The following SLC43A2 variants were observed in gnomAD, a reference collection of about 807,000 sequenced individuals.
SLC43A2 encodes the protein solute carrier family 43 member 2.
A neutral mutation model predicts 63.2 loss-of-function variants in SLC43A2; 38 were observed. The observed-to-expected ratio is 0.60, with a 90% CI of 0.46 to 0.79. SLC43A2 has a LOEUF of 0.79. Ranked by LOEUF, SLC43A2 falls within the 30% of genes least tolerant of loss-of-function variation. The probability of loss-of-function intolerance (pLI) is 0.00; values close to 1 mark genes in which losing one functional copy is unlikely to be tolerated. For synonymous variants in SLC43A2, 322 were observed against 331.0 expected (o/e 0.97, Z 0.30); for missense variants, 644 against 756.2 (o/e 0.85, Z 1.74).
intron 9 of SLC43A2, chr17:1,586,928 T>TGGGCCCCCCCCCCCCCCCCCCCCCCC: frequency 5.7e-6 from 7 of 1,232,900 alleles, no homozygotes; most frequent in Non-Finnish European, 7.8e-6. Flanking sequence ...TCCCTGACAA[T>TGGGCCCCCCCCCCCCCCCCCCCCCCC]CCCCCCCACC....
At chr17:1,613,101 C>T (rs1466967293) in intron 5 of SLC43A2, 94 bp downstream of exon 5, 3 of 1,144,934 alleles carry the variant, frequency 2.6e-6, no homozygotes, top group African/African-American at 3.0e-5. Context: ...CACATGCAGG[C>T]ACATGGAAGG....
chr17:1,602,694 T>C (rs1906168122), intron 5 of SLC43A2, among the ~76,000 whole-genome samples: 1 of 151,628 alleles, frequency 6.6e-6, no homozygotes, highest in African/African-American at 2.4e-5. Flanking sequence ...CAGTTCTATA[T>C]ACTATGAATA....
In SLC43A2 at chr17:1,583,565, AGAT is replaced by A. The variant is rs1221896308; in HGVS notation, c.1218-232_1218-230del. On this transcript the variant is annotated intron_variant, in intron 10 of 13. Coordinates refer to ENST00000301335, the MANE Select transcript of SLC43A2 (RefSeq NM_152346.3). The surrounding 1 kb of genome is among the most constrained non-coding windows in gnomAD (Gnocchi z 5.5). ...CTCGGAGGGGGTCTCGGGTACAAGAAGATGGCCATCCATATGCTGCAGTGCTCT... is the reference window on the plus strand; with the variant it reads ...CTCGGAGGGGGTCTCGGGTACAAGAAGGCCATCCATATGCTGCAGTGCTCT... 1 of 611,082 alleles carries A rather than the reference AGAT, an allele frequency of 1.6e-6. No homozygotes were observed. The highest frequency in any genetic ancestry group is 1.8e-5 in the African/African-American group (1 of 54,428). The allele number at this position is 611,082 out of a possible 1,614,324, so 37.9% of individuals were successfully genotyped here.
Position 1,572,060 on chromosome 17 carries a change from C to T in SLC43A2, c.*3544G>A, listed in dbSNP as rs2075853740. The T allele has an allele frequency of 6.6e-6, 1 of 152,504 alleles. No individual in the cohort carries two copies. The highest frequency in any genetic ancestry group is 2.4e-5 in the African/African-American group (1 of 41,466). The allele number at this position is 152,504 out of a possible 1,614,324, so 9.4% of individuals were successfully genotyped here. A position where few individuals can be genotyped will look rare whatever the true frequency, so the allele number is the denominator to read the frequency against. ...CTGCTCCTTTGATCAGCTGTAGTCC[C>T]TTCCCCTTCACAGGGCACTTGTCTT... On this transcript the variant is annotated 3_prime_UTR_variant, in exon 14 of 14. Transcript: ENST00000301335.
intron 3 of SLC43A2, among the ~76,000 whole-genome samples, chr17:1,615,601 TG>T (rs1907529189): frequency 1.3e-5 from 2 of 148,938 alleles, no homozygotes; most frequent in South Asian, 2.1e-4. Flanking sequence ...CCCAGCACTT[TG>T]GGAGGCCGAG....
At position 1,578,215 on chromosome 17, in the gene SLC43A2, C is replaced by T. The variant is rs542286581; in HGVS notation, c.1424+35G>A. 52 of 1,605,716 alleles carry T rather than the reference C, an allele frequency of 3.2e-5. No individual in the cohort carries two copies. The highest frequency in any genetic ancestry group is 1.7e-4 in the Middle Eastern group (1 of 5,968). ...CTCCCCCCGGCCATTCCCACACCCT[C>T]GCCCACCAGGCCACCTGCGGCTTCC... On this transcript the variant is annotated intron_variant, in intron 12 of 13. Coordinates refer to ENST00000301335, the MANE Select transcript of SLC43A2 (RefSeq NM_152346.3). This position sits in a 1 kb window ranked among gnomAD's most constrained non-coding sequence, Gnocchi z 6.5.
chr17:1,608,908 T>C (rs545219663), intron 5 of SLC43A2, among the ~76,000 whole-genome samples: 1 of 152,298 alleles, frequency 6.6e-6, no homozygotes, highest in Non-Finnish European at 1.5e-5. Context: ...GAAAGAACAC[T>C]AGTGTCTTTG....
intron 10 of SLC43A2, among the ~76,000 whole-genome samples, chr17:1,584,561 C>T (rs891076553): frequency 2.0e-5 from 3 of 152,170 alleles, no homozygotes; most frequent in African/African-American, 7.2e-5. Flanking sequence ...TGCCTGTAAT[C>T]CCAGCACTCT....
chr17:1,587,047 G>C, intron 9 of SLC43A2: 1 of 1,371,086 alleles, frequency 7.3e-7, no homozygotes, highest in Non-Finnish European at 1.0e-6. Context: ...GGGAGAGGAG[G>C]CAGGCTCACT....
At position 1,573,670 on chromosome 17, in the gene SLC43A2, A is replaced by C. The variant is rs752842332; in HGVS notation, c.*1934T>G. 3 of 151,142 alleles carry C rather than the reference A, an allele frequency of 2.0e-5. No individual in the cohort carries two copies. Among genetic ancestry groups the C allele is most frequent in the Non-Finnish European group, 4.4e-5 (3 of 67,934 alleles). The allele number at this position is 151,142 out of a possible 1,614,324, so 9.4% of individuals were successfully genotyped here. A position where few individuals can be genotyped will look rare whatever the true frequency, so the allele number is the denominator to read the frequency against. The stretch of plus-strand genomic sequence containing the variant: ...AGCCTCGCTCTGTTGCCCAGGCTGG[A>C]GTGCAATGGTGCGATCTCGACTCAC... On this transcript the variant is annotated 3_prime_UTR_variant, in exon 14 of 14. Transcript: ENST00000301335.
chr17:1,614,146 G>A (rs1161746779), intron 4 of SLC43A2, among the ~76,000 whole-genome samples: 1 of 152,124 alleles, frequency 6.6e-6, no homozygotes, highest in Non-Finnish European at 1.5e-5. Flanking sequence ...AGGAGGCTGA[G>A]GCAGGAGAAT....
chr17:1,594,806 T>C (rs900154463), intron 5 of SLC43A2, among the ~76,000 whole-genome samples: 3 of 151,710 alleles, frequency 2.0e-5, no homozygotes, highest in East Asian at 3.9e-4. Flanking sequence ...GCCAGGATGG[T>C]CTGGATCTCC....
chr17:1,603,608 A>AC (rs1445291661), intron 5 of SLC43A2, among the ~76,000 whole-genome samples: 1 of 151,982 alleles, frequency 6.6e-6, no homozygotes, highest in Non-Finnish European at 1.5e-5. Flanking sequence ...ATACGGTGAA[A>AC]CCCCATCTCT....
chr17:1,604,932 G>GCGGTGC (rs1405110678), intron 5 of SLC43A2: 43 of 1,521,964 alleles, frequency 2.8e-5, no homozygotes, highest in Middle Eastern at 1.7e-4. Flanking sequence ...GTTCGAAGCC[G>GCGGTGC]CGGTGCCGGA....
upstream of SLC43A2, among the ~76,000 whole-genome samples, chr17:1,629,834 G>A (rs545532263): frequency 4.3e-4 from 66 of 152,332 alleles, no homozygotes; most frequent in African/African-American, 1.6e-3. Context: ...GGCTCCGAAA[G>A]CTCAGCTCCC....
intron 9 of SLC43A2, among the ~76,000 whole-genome samples, chr17:1,589,304 C>T (rs1387052300): frequency 2.0e-5 from 3 of 152,150 alleles, no homozygotes; most frequent in Admixed American, 6.5e-5. Context: ...TCCGCCACTC[C>T]AGGGCTGAAT....
chr17:1,601,400 G>A (rs991362726), intron 5 of SLC43A2, among the ~76,000 whole-genome samples: 4 of 152,036 alleles, frequency 2.6e-5, no homozygotes, highest in Non-Finnish European at 4.4e-5. Context: ...ACTCAGGCCT[G>A]CTACACCACC....
intron 2 of SLC43A2, 60 bp downstream of exon 2, chr17:1,627,655 C>T: frequency 6.0e-6 from 4 of 665,270 alleles, no homozygotes; most frequent in Non-Finnish European, 9.1e-6. Flanking sequence ...CGCCCCCATC[C>T]CGCCCCCTCC....
intron 9 of SLC43A2, chr17:1,586,928 T>TA: frequency 1.6e-6 from 2 of 1,232,906 alleles, no homozygotes; most frequent in Admixed American, 2.2e-5. Flanking sequence ...TCCCTGACAA[T>TA]CCCCCCCACC....
Sources: gnomAD v4.1 joint callset for allele counts (sites outside exome capture counted in the v4.1 genomes callset) on GRCh38, gnomAD v4.1.1 for gene constraint, Gnocchi (gnomAD v3.1) non-coding constraint, MANE v1.5 for transcripts, NCBI Gene and HGNC (gene_info 2026-07-23, HGNC 2026-07-21) for gene names.